Variants in LRMDA observed in about 807,000 individuals in gnomAD.
LRMDA encodes leucine rich melanocyte differentiation associated.
LRMDA carries 18 observed loss-of-function variants against 29.8 expected under a neutral mutation model. The observed-to-expected ratio is 0.60, with a 90% confidence interval of 0.42 to 0.90. The LOEUF is 0.90. LRMDA is among the 40% of genes least tolerant of loss of function. The pLI is 0.00. For synonymous variants in LRMDA, 125 were observed against 109.4 expected, an observed-to-expected ratio of 1.14 and a Z score of -0.89; for missense variants, 273 against 273.9, an observed-to-expected ratio of 1.00 and a Z score of 0.02.
chr10:76,330,025 G>A (rs1260352252), intron 6 of LRMDA, among the ~76,000 whole-genome samples: 1 of 152,138 alleles, frequency 6.6e-6, no homozygotes, highest in Non-Finnish European at 1.5e-5. Flanking sequence ...TTTGGGATGG[G>A]GAGATGTTGG....
chr10:76,221,639 G>A (rs201879669), intron 5 of LRMDA, among the ~76,000 whole-genome samples: 7 of 152,118 alleles, frequency 4.6e-5, no homozygotes, highest in South Asian at 2.1e-4. Context: ...AAATGGAAGA[G>A]CATTCCATGC....
chr10:75,898,973 T>C (rs1308458714), intron 2 of LRMDA, among the ~76,000 whole-genome samples: 1 of 152,184 alleles, frequency 6.6e-6, no homozygotes, highest in Non-Finnish European at 1.5e-5. Context: ...AAACCATCCA[T>C]GTGTGTATCT....
chr10:75,888,201 C>G (rs1164385305), intron 2 of LRMDA, among the ~76,000 whole-genome samples: 1 of 152,162 alleles, frequency 6.6e-6, no homozygotes, highest in East Asian at 1.9e-4. Context: ...GCCACAGAGG[C>G]CTGGCAACAG....
At chr10:76,371,108 A>T (rs987562705) in intron 6 of LRMDA, among the ~76,000 whole-genome samples, 7 of 152,202 alleles carry the variant, frequency 4.6e-5, no homozygotes, top group African/African-American at 1.4e-4. Flanking sequence ...AGAGTTCTAA[A>T]ATTTGGATCG....
intron 2 of LRMDA, among the ~76,000 whole-genome samples, chr10:75,870,198 A>G (rs1489113451): frequency 6.6e-6 from 1 of 152,194 alleles, no homozygotes; most frequent in African/African-American, 2.4e-5. Context: ...GATAAAATTC[A>G]TATTTCAGTG....
intron 5 of LRMDA, among the ~76,000 whole-genome samples, chr10:76,104,978 C>T (rs1849457041): frequency 6.6e-6 from 1 of 152,172 alleles, no homozygotes; most frequent in Admixed American, 6.5e-5. Context: ...TCTCTGCCTG[C>T]AAGTGTCTTC....
intron 2 of LRMDA, among the ~76,000 whole-genome samples, chr10:75,913,452 T>G (rs980722710): frequency 2.0e-5 from 3 of 152,146 alleles, no homozygotes; most frequent in Admixed American, 1.3e-4. Flanking sequence ...CGAGACTCCG[T>G]CTTGGGGGGA....
intron 2 of LRMDA, among the ~76,000 whole-genome samples, chr10:76,028,215 C>T (rs1416794439): frequency 6.6e-6 from 1 of 151,986 alleles, no homozygotes; most frequent in Non-Finnish European, 1.5e-5. Flanking sequence ...TTCTAGATTC[C>T]TAATAAAGCT....
At chr10:75,842,658 T>C (rs1445243448) in intron 2 of LRMDA, among the ~76,000 whole-genome samples, 1 of 152,200 alleles carries the variant, frequency 6.6e-6, no homozygotes, top group African/African-American at 2.4e-5. Context: ...GAAGTTTTTC[T>C]TTCAGATGGG....
intron 2 of LRMDA, among the ~76,000 whole-genome samples, chr10:75,918,711 G>T (rs1165397299): frequency 6.6e-6 from 1 of 152,230 alleles, no homozygotes; most frequent in African/African-American, 2.4e-5. Context: ...CATAAGCAAT[G>T]TGGAGAATCA....
At chr10:76,321,446 C>A (rs369485134) in intron 5 of LRMDA, among the ~76,000 whole-genome samples, 4 of 151,918 alleles carry the variant, frequency 2.6e-5, no homozygotes, top group African/African-American at 9.7e-5. Flanking sequence ...AGCAACTTCT[C>A]TTATGTTTAT....
chr10:75,980,532 G>A (rs768671938), intron 2 of LRMDA, among the ~76,000 whole-genome samples: 15 of 152,182 alleles, frequency 9.9e-5, no homozygotes, highest in South Asian at 2.1e-4. Flanking sequence ...GGGCTATAAT[G>A]TTCTGTCATG....
At chr10:76,452,577 G>C (rs1842417569) in intron 6 of LRMDA, among the ~76,000 whole-genome samples, 1 of 152,138 alleles carries the variant, frequency 6.6e-6, no homozygotes, top group Non-Finnish European at 1.5e-5. Context: ...GTGAAGTAGA[G>C]GGTCTAAAAG....
At chr10:75,499,445 AG>A (rs1343491095) in intron 2 of LRMDA, among the ~76,000 whole-genome samples, 1 of 152,218 alleles carries the variant, frequency 6.6e-6, no homozygotes, top group Non-Finnish European at 1.5e-5. Flanking sequence ...GAGCAGGCCC[AG>A]GTGCTTACTC....
At chr10:76,376,746 T>C (rs1841523306) in intron 6 of LRMDA, among the ~76,000 whole-genome samples, 1 of 152,164 alleles carries the variant, frequency 6.6e-6, no homozygotes, top group Non-Finnish European at 1.5e-5. Flanking sequence ...ATTTTGACTT[T>C]TTAATAATAG....
intron 2 of LRMDA, among the ~76,000 whole-genome samples, chr10:75,809,257 A>C (rs753294823): frequency 4.8e-4 from 73 of 152,188 alleles, no homozygotes; most frequent in Admixed American, 9.2e-4. Flanking sequence ...GGGTAATAAC[A>C]CTAATGATAA....
chr10:76,517,515 G>C (rs531525636), intron 6 of LRMDA, among the ~76,000 whole-genome samples: 1 of 152,192 alleles, frequency 6.6e-6, no homozygotes, highest in South Asian at 2.1e-4. Context: ...TCAAGAAGGA[G>C]TGCAAAATAA....
intron 6 of LRMDA, among the ~76,000 whole-genome samples, chr10:76,475,922 C>T (rs576471311): frequency 1.4e-3 from 206 of 152,078 alleles, no homozygotes; most frequent in Non-Finnish European, 2.1e-3. Context: ...AAATTTATAG[C>T]ACTAAATGCC....
chr10:75,703,886 G>A (rs1385953231), intron 2 of LRMDA, among the ~76,000 whole-genome samples: 1 of 152,136 alleles, frequency 6.6e-6, no homozygotes, highest in Non-Finnish European at 1.5e-5. Context: ...TGTTTTGGGA[G>A]CTTTTACTTT....
Sources: gnomAD v4.1 joint callset for allele counts (sites outside exome capture counted in the v4.1 genomes callset) on GRCh38, gnomAD v4.1.1 for gene constraint, MANE v1.5 for transcripts, NCBI Gene and HGNC (gene_info 2026-07-23, HGNC 2026-07-21) for gene names.